NRG3: variants seen among roughly 807,000 people sequenced by gnomAD.
NRG3 encodes pro-neuregulin-3, membrane-bound isoform.
In NRG3, 31 loss-of-function variants were observed where a neutral mutation model predicts 66.9. The ratio of observed to expected loss-of-function variants is 0.46; its 90% CI spans 0.35 to 0.63. NRG3 has a LOEUF of 0.63. Among genes scored for constraint, NRG3 ranks in the 20% least tolerant of loss-of-function variants. NRG3 has a pLI of 0.00. For synonymous variants in NRG3, 393 were observed against 359.4 expected, an observed-to-expected ratio of 1.09 and a Z score of -1.06; for missense variants, 910 against 878.9, an observed-to-expected ratio of 1.04 and a Z score of -0.45.
chr10:82,511,704 G>A (rs1262741123), intron 2 of NRG3, among the ~76,000 whole-genome samples: 1 of 152,198 alleles, frequency 6.6e-6, no homozygotes, highest in Admixed American at 6.5e-5. Flanking sequence ...GTCACTGGAA[G>A]AAAGGACAGA....
intron 2 of NRG3, among the ~76,000 whole-genome samples, chr10:82,677,253 A>T (rs920719119): frequency 6.6e-6 from 1 of 151,818 alleles, no homozygotes; most frequent in Admixed American, 6.6e-5. Context: ...GGGTTTCACC[A>T]TGTTGCCCAG....
chr10:82,391,993 C>CAAAAAAAAAAA (rs775895969), intron 2 of NRG3, among the ~76,000 whole-genome samples: 6 of 38,782 alleles, frequency 1.5e-4, no homozygotes, highest in East Asian at 1.0e-3. Flanking sequence ...CGAGCACATG[C>CAAAAAAAAAAA]AAAAAAAAAA....
At chr10:82,840,372 C>A (rs920361884) in intron 3 of NRG3, among the ~76,000 whole-genome samples, 14 of 152,034 alleles carry the variant, frequency 9.2e-5, no homozygotes, top group Admixed American at 3.3e-4. Flanking sequence ...CTTTGTTTCC[C>A]ATAGCACTTA....
chr10:82,491,293 A>AATATATATATATATATATATATATATAT (rs10652539), intron 2 of NRG3, among the ~76,000 whole-genome samples: 11 of 82,188 alleles, frequency 1.3e-4, no homozygotes, highest in African/African-American at 3.9e-4. Context: ...GTTCCCATAA[A>AATATATATATATATATATATATATATAT]ATATATATAT....
chr10:82,352,882 TG>T (rs985020853), intron 1 of NRG3, among the ~76,000 whole-genome samples: 13 of 134,832 alleles, frequency 9.6e-5, no homozygotes, highest in Non-Finnish European at 1.5e-4. Context: ...GATTGCTATG[TG>T]GTTTTTTTTT....
chr10:81,940,962 T>G (rs941074916), intron 1 of NRG3, among the ~76,000 whole-genome samples: 8 of 152,144 alleles, frequency 5.3e-5, no homozygotes, highest in Non-Finnish European at 8.8e-5. Context: ...AGCTTTTAAC[T>G]TCTCATTTAT....
chr10:82,467,799 A>T (rs111681368), intron 2 of NRG3, among the ~76,000 whole-genome samples: 231 of 152,308 alleles, frequency 1.5e-3, no homozygotes, highest in African/African-American at 5.4e-3. Context: ...AGTCATAAGT[A>T]TATTTGATTT....
intron 5 of NRG3, among the ~76,000 whole-genome samples, chr10:82,951,961 A>C (rs1849553846): frequency 6.6e-6 from 1 of 152,208 alleles, no homozygotes; most frequent in African/African-American, 2.4e-5. Context: ...ATCAACCATT[A>C]TCTATCTATT....
chr10:82,117,482 C>T (rs1221791653), intron 1 of NRG3, among the ~76,000 whole-genome samples: 1 of 152,032 alleles, frequency 6.6e-6, no homozygotes, highest in Non-Finnish European at 1.5e-5. Flanking sequence ...TAATTTTTGT[C>T]AAATACTTGA....
chr10:82,513,471 A>G (rs1004133216), intron 2 of NRG3, among the ~76,000 whole-genome samples: 4 of 152,238 alleles, frequency 2.6e-5, no homozygotes, highest in Admixed American at 6.5e-5. Flanking sequence ...GGTTTATACA[A>G]TAATAGGATT....
At chr10:82,370,637 G>A (rs1254279924) in intron 2 of NRG3, among the ~76,000 whole-genome samples, 1 of 152,142 alleles carries the variant, frequency 6.6e-6, no homozygotes, top group Non-Finnish European at 1.5e-5. Flanking sequence ...GTATCAATAA[G>A]GTAGAAGAGA....
intron 2 of NRG3, among the ~76,000 whole-genome samples, chr10:82,664,261 T>C (rs1488043546): frequency 6.6e-6 from 1 of 152,198 alleles, no homozygotes; most frequent in East Asian, 1.9e-4. Flanking sequence ...CATTACTCTC[T>C]GCACCACCTC....
intron 1 of NRG3, among the ~76,000 whole-genome samples, chr10:82,004,380 A>C (rs1488051341): frequency 6.6e-6 from 1 of 152,178 alleles, no homozygotes. Flanking sequence ...AACTGATGAC[A>C]CAAGAGAGTG....
rs111918777 is a variant in NRG3 at position 82,583,251 on chromosome 10, A to T, written c.954-155326A>T. On this transcript the variant is annotated intron_variant, in intron 2 of 8. Transcript: ENST00000372141. ...TCAGTTTTACAAAACAATCAATAGT[A>T]AGGTGATATGAGAACATTCTCCTTT... is the stretch of plus-strand genomic sequence containing the variant. Among the ~76,000 whole-genome samples, 789 of 152,310 alleles carry T rather than the reference A, an allele frequency of 5.2e-3. 6 individuals are homozygous for T. Among genetic ancestry groups the T allele is most frequent in the African/African-American group, 0.018 (751 of 41,572 alleles).
intron 1 of NRG3, among the ~76,000 whole-genome samples, chr10:81,983,212 C>T (rs1285286837): frequency 6.6e-6 from 1 of 152,138 alleles, no homozygotes; most frequent in Non-Finnish European, 1.5e-5. Flanking sequence ...AGTCTGTGAT[C>T]ATATTAACTG....
At chr10:82,805,161 A>G (rs1309256030) in intron 3 of NRG3, among the ~76,000 whole-genome samples, 1 of 152,190 alleles carries the variant, frequency 6.6e-6, no homozygotes, top group Admixed American at 6.5e-5. Flanking sequence ...CTAAGGTCTC[A>G]GTTGATGGCA....
chr10:82,690,068 C>T (rs1390803057), intron 2 of NRG3, among the ~76,000 whole-genome samples: 2 of 152,182 alleles, frequency 1.3e-5, no homozygotes, highest in South Asian at 2.1e-4. Flanking sequence ...CCAGACATAA[C>T]TCCACATAGC....
chr10:82,525,043 T>A (rs1846558096), intron 2 of NRG3, among the ~76,000 whole-genome samples: 1 of 151,902 alleles, frequency 6.6e-6, no homozygotes, highest in South Asian at 2.1e-4. Flanking sequence ...ATTCTTATCA[T>A]GACAAACATA....
At chr10:82,114,446 A>G (rs538158559) in intron 1 of NRG3, among the ~76,000 whole-genome samples, 23 of 152,218 alleles carry the variant, frequency 1.5e-4, no homozygotes, top group Non-Finnish European at 3.1e-4. Context: ...AGAGATTACT[A>G]CCTCTGTGAG....
Sources: allele counts gnomAD v4.1 joint callset (sites outside exome capture counted in the v4.1 genomes callset), GRCh38; gene constraint gnomAD v4.1.1; transcripts MANE v1.5; gene names NCBI Gene and HGNC (gene_info 2026-07-23, HGNC 2026-07-21).